Variants in ENTREP2 observed in about 807,000 individuals in gnomAD.
ENTREP2 encodes the protein endosomal transmembrane epsin interactor 2, also known as protein ENTREP2.
the ENTREP2 span, among the ~76,000 whole-genome samples, chr15:29,206,626 G>A: frequency 6.6e-6 from 1 of 152,174 alleles, no homozygotes; most frequent in African/African-American, 2.4e-5. Context: ...GCAGTTGTCT[G>A]GGACTCAGTC....
At chr15:29,478,010 TATATATA>T in the ENTREP2 span, among the ~76,000 whole-genome samples, 57 of 77,184 alleles carry the variant, frequency 7.4e-4, no homozygotes, top group Non-Finnish European at 1.0e-3. Context: ...TATATATATA[TATATATA>T]TATTTTTTTT....
chr15:29,390,746 C>A, the ENTREP2 span, among the ~76,000 whole-genome samples: 2 of 152,216 alleles, frequency 1.3e-5, no homozygotes, highest in Non-Finnish European at 2.9e-5. Flanking sequence ...CTGAAAAGTT[C>A]TTTTACTTCC....
chr15:29,516,968 CA>C, the ENTREP2 span, among the ~76,000 whole-genome samples: 5,173 of 88,614 alleles, frequency 0.058, 107 homozygotes, highest in East Asian at 0.16. Context: ...AATTATGAGC[CA>C]AAAAAAAAAA....
chr15:29,439,333 A>ACACG, the ENTREP2 span, among the ~76,000 whole-genome samples: 1 of 107,882 alleles, frequency 9.3e-6, no homozygotes, highest in African/African-American at 3.5e-5. Flanking sequence ...ACACACACAC[A>ACACG]AACAGTAGAG....
chr15:29,533,045 G>A, the ENTREP2 span, among the ~76,000 whole-genome samples: 2 of 152,144 alleles, frequency 1.3e-5, no homozygotes, highest in African/African-American at 4.8e-5. Context: ...TTCCAATCCA[G>A]GGATTGTACA....
chr15:29,380,197 T>TAAATAA, the ENTREP2 span, among the ~76,000 whole-genome samples: 161 of 152,286 alleles, frequency 1.1e-3, no homozygotes, highest in African/African-American at 3.7e-3. Context: ...TGAAAAGTTC[T>TAAATAA]AAATAAAAAT....
At chr15:29,553,102 C>G in the ENTREP2 span, among the ~76,000 whole-genome samples, 1 of 152,186 alleles carries the variant, frequency 6.6e-6, no homozygotes, top group Non-Finnish European at 1.5e-5. Flanking sequence ...TCAAGACCAG[C>G]CTAGCCAGCA....
At chr15:29,215,932 T>C in the ENTREP2 span, among the ~76,000 whole-genome samples, 1 of 152,170 alleles carries the variant, frequency 6.6e-6, no homozygotes. Context: ...AAGGGGAGCA[T>C]TTAGGCTATT....
the ENTREP2 span, among the ~76,000 whole-genome samples, chr15:29,616,106 A>C: frequency 6.6e-6 from 1 of 152,244 alleles, no homozygotes; most frequent in African/African-American, 2.4e-5. Context: ...ATGTACCCTG[A>C]ACAATGCAAA....
the ENTREP2 span, among the ~76,000 whole-genome samples, chr15:29,174,768 T>C: frequency 6.6e-6 from 1 of 151,238 alleles, no homozygotes; most frequent in African/African-American, 2.4e-5. Flanking sequence ...GCTTTGCCAC[T>C]GCCACTGCTT....
chr15:29,233,698 ACT>A, the ENTREP2 span: 74 of 1,219,910 alleles, frequency 6.1e-5, 2 homozygotes, highest in African/African-American at 5.6e-4. Context: ...TGTTGCACGC[ACT>A]CTGTTGCTCA....
At chr15:29,286,145 C>T in the ENTREP2 span, among the ~76,000 whole-genome samples, 4 of 152,124 alleles carry the variant, frequency 2.6e-5, no homozygotes, top group South Asian at 8.3e-4. Context: ...AAGAAAGCTG[C>T]CATCATCACT....
chr15:29,289,815 C>T, the ENTREP2 span, among the ~76,000 whole-genome samples: 1 of 152,192 alleles, frequency 6.6e-6, no homozygotes, highest in Non-Finnish European at 1.5e-5. Flanking sequence ...CACTGCACTC[C>T]AGCCTGGGTG....
the ENTREP2 span, among the ~76,000 whole-genome samples, chr15:29,150,992 A>T: frequency 1.3e-5 from 2 of 152,222 alleles, no homozygotes; most frequent in Admixed American, 1.3e-4. Flanking sequence ...GTGCGCATAG[A>T]TATTCCTACC....
the ENTREP2 span, among the ~76,000 whole-genome samples, chr15:29,473,377 C>T: frequency 6.6e-6 from 1 of 152,036 alleles, no homozygotes; most frequent in Admixed American, 6.6e-5. Flanking sequence ...AGGAGGCCAC[C>T]GAGGGATGGT....
At chr15:29,631,351 T>C in the ENTREP2 span, among the ~76,000 whole-genome samples, 2 of 152,300 alleles carry the variant, frequency 1.3e-5, no homozygotes, top group East Asian at 3.9e-4. Flanking sequence ...AGACTTTGGG[T>C]ACTATGTTAG....
chr15:29,416,210 C>G, the ENTREP2 span, among the ~76,000 whole-genome samples: 2 of 152,106 alleles, frequency 1.3e-5, no homozygotes, highest in African/African-American at 4.8e-5. Context: ...GCCAAAAGAA[C>G]AAAGCTGGAG....
chr15:29,293,268 T>A, the ENTREP2 span, among the ~76,000 whole-genome samples: 1 of 152,266 alleles, frequency 6.6e-6, no homozygotes, highest in South Asian at 2.1e-4. Context: ...CTTTTTTTTT[T>A]TGAGACGGAG....
At chr15:29,637,874 A>G in the ENTREP2 span, among the ~76,000 whole-genome samples, 1 of 152,240 alleles carries the variant, frequency 6.6e-6, no homozygotes, top group African/African-American at 2.4e-5. Flanking sequence ...ACGCTGGTCC[A>G]TGAAAGCAGA....
Sources: allele counts gnomAD v4.1 joint callset (sites outside exome capture counted in the v4.1 genomes callset), GRCh38; gene constraint gnomAD v4.1.1; transcripts MANE v1.5; gene names NCBI Gene and HGNC (gene_info 2026-07-23, HGNC 2026-07-21).